RUBCN: variants seen among roughly 807,000 people sequenced by gnomAD.
The protein encoded by RUBCN is rubicon autophagy regulator.
A neutral mutation model predicts 113.2 loss-of-function variants in RUBCN; 74 were observed. The observed-to-expected ratio is 0.65, with a 90% CI of 0.54 to 0.79. RUBCN has a LOEUF of 0.79. RUBCN is among the 30% of genes least tolerant of loss of function. The pLI is 0.00. For missense variants in RUBCN, 1,109 were observed against 1,251.7 expected (o/e 0.89, Z 1.72); for synonymous variants, 480 against 490.0 (o/e 0.98, Z 0.27).
At chr3:197,704,519 A>G in intron 4 of RUBCN, 23 bp downstream of exon 4, 1 of 1,609,828 alleles carries the variant, frequency 6.2e-7, no homozygotes, top group Non-Finnish European at 8.5e-7. Context: ...CACAGATGAC[A>G]GTCCTAAGTG....
At chr3:197,717,914 A>T (rs1252658410) in intron 2 of RUBCN, 63 bp downstream of exon 2, 1 of 1,596,336 alleles carries the variant, frequency 6.3e-7, no homozygotes, top group Non-Finnish European at 8.6e-7. Context: ...CTCCCTGCCA[A>T]TGCGACTGTT....
Position 197,703,626 on chromosome 3 carries a change from A to G in RUBCN, c.492T>C (p.His164=), listed in dbSNP as rs2108912835. The G allele has an allele frequency of 6.2e-7, 1 of 1,613,926 alleles. No individual in the cohort carries two copies. The highest frequency in any genetic ancestry group is 1.7e-5 in the Admixed American group (1 of 59,996). The part of the protein sequence containing the change: ...TDAAFLLSDA[H]VTAMLQCLEA... ...CCAGGCACTGCAGCATGGCCGTGAC[A>G]TGAGCGTCACTTAGCAGGAAGGCAG... The change falls in exon 5 of 20, where the codon CAT becomes CAC. Residue 164 remains histidine (H), a synonymous_variant. Transcript: ENST00000296343.
intron 5 of RUBCN, among the ~76,000 whole-genome samples, chr3:197,702,595 G>A (rs189740389): frequency 5.0e-4 from 76 of 152,220 alleles, no homozygotes; most frequent in African/African-American, 1.2e-3. Context: ...CCCGGGAGGC[G>A]GAGGCTGCAG....
intron 1 of RUBCN, among the ~76,000 whole-genome samples, chr3:197,723,336 C>T (rs1726373292): frequency 6.6e-6 from 1 of 151,974 alleles, no homozygotes; most frequent in Non-Finnish European, 1.5e-5. Flanking sequence ...CAGGCACCTG[C>T]CACCACACCC....
intron 1 of RUBCN, among the ~76,000 whole-genome samples, chr3:197,743,139 G>C (rs921666332): frequency 1.3e-5 from 2 of 152,234 alleles, no homozygotes; most frequent in African/African-American, 4.8e-5. Context: ...TAGCTGAGGC[G>C]GGCAGGCTCC....
At position 197,731,319 on chromosome 3, in the gene RUBCN, A is replaced by G. The variant is rs1454553254; in HGVS notation, c.65+5336T>C. Among the ~76,000 whole-genome samples, 5 of 152,206 alleles carry G rather than the reference A, an allele frequency of 3.3e-5. No homozygotes were observed. In the East Asian group the frequency reaches 9.6e-4, roughly 29 times the overall value. On this transcript the variant is annotated intron_variant, in intron 1 of 19. Coordinates refer to ENST00000296343, the MANE Select transcript of RUBCN (RefSeq NM_014687.4). The stretch of plus-strand genomic sequence containing the variant: ...AGAGCACAGGGTTGGGGGTAACGTC[A>G]CCGATCAACAGGATCCCAAGGCAGA...
At chr3:197,677,579 A>T (rs1432285891) in intron 16 of RUBCN, 38 bp from the exon 17 acceptor site, 4 of 1,594,454 alleles carry the variant, frequency 2.5e-6, no homozygotes, top group Admixed American at 1.7e-5. Flanking sequence ...TGGGAGGGAG[A>T]TGTGAGAAGA....
chr3:197,679,259 A>G (rs1371629334), intron 16 of RUBCN, among the ~76,000 whole-genome samples: 1 of 146,202 alleles, frequency 6.8e-6, no homozygotes. Flanking sequence ...CTACGCTCTG[A>G]CAACTGGCTC....
chr3:197,705,713 T>C (rs1724226411), intron 2 of RUBCN, among the ~76,000 whole-genome samples: 1 of 152,036 alleles, frequency 6.6e-6, no homozygotes, highest in South Asian at 2.1e-4. Context: ...ATACAAGGTA[T>C]ACAGTAAAAA....
intron 7 of RUBCN, chr3:197,700,359 T>G: frequency 1.7e-6 from 1 of 582,054 alleles, no homozygotes; most frequent in South Asian, 2.3e-5. Context: ...CACGCTATCC[T>G]CTGATGTTAC....
chr3:197,690,411 A>T (rs897294407), intron 11 of RUBCN, among the ~76,000 whole-genome samples: 1 of 152,222 alleles, frequency 6.6e-6, no homozygotes, highest in African/African-American at 2.4e-5. Context: ...GCACTCCAGC[A>T]TGGGCAACAA....
At chr3:197,693,849 G>T (rs1270388615) in intron 10 of RUBCN, 33 bp from the exon 11 acceptor site, 3 of 1,457,810 alleles carry the variant, frequency 2.1e-6, no homozygotes, top group Non-Finnish European at 2.9e-6. Flanking sequence ...GGAATAAACA[G>T]GGCAGAAAGA....
intron 1 of RUBCN, among the ~76,000 whole-genome samples, chr3:197,721,467 T>C (rs1170744628): frequency 6.6e-6 from 1 of 152,200 alleles, no homozygotes. Flanking sequence ...CCTTTTTCTC[T>C]CTGATTTTAT....
At chr3:197,721,075 T>C (rs1331892150) in intron 1 of RUBCN, among the ~76,000 whole-genome samples, 2 of 152,296 alleles carry the variant, frequency 1.3e-5, no homozygotes, top group East Asian at 3.9e-4. Flanking sequence ...GCCTGTAGTT[T>C]TTCCTCTTGT....
In RUBCN at chr3:197,681,024, G is replaced by A. The variant is rs1234421097; in HGVS notation, c.2430+105C>T. 68 of 651,262 alleles carry A rather than the reference G, an allele frequency of 1.0e-4. No homozygotes were observed. In the African/African-American group the frequency reaches 1.2e-3, roughly 12 times the overall value. 40.3% of individuals were successfully genotyped at this position (651,262 alleles called of 1,614,324 possible). The stretch of plus-strand genomic sequence containing the variant: ...AGACGAGGGGAGGGGATGGGGGGAG[G>A]GGACAAGAGGAGGGGATGGGGGGAG... On this transcript the variant is annotated intron_variant, in intron 16 of 19. Transcript: ENST00000296343. The surrounding 1 kb of genome is among the most constrained non-coding windows in gnomAD (Gnocchi z 5.5).
chr3:197,729,761 G>A (rs1221136862), intron 1 of RUBCN, among the ~76,000 whole-genome samples: 1 of 151,684 alleles, frequency 6.6e-6, no homozygotes. Context: ...ATTTTGCCAT[G>A]TTGACCAGGC....
chr3:197,721,883 T>TGTATAGTTTCCTAAGTTGTTCTTGTTA (rs1726208024), intron 1 of RUBCN, among the ~76,000 whole-genome samples: 1 of 152,178 alleles, frequency 6.6e-6, no homozygotes, highest in African/African-American at 2.4e-5. Flanking sequence ...TCCACATATT[T>TGTATAGTTTCCTAAGTTGTTCTTGTTA]GTATAGTTTC....
At chr3:197,729,234 CTTTTGTTTT>C (rs1251296957) in intron 1 of RUBCN, among the ~76,000 whole-genome samples, 1 of 147,690 alleles carries the variant, frequency 6.8e-6, no homozygotes, top group African/African-American at 2.5e-5. Context: ...CTGAACATTG[CTTTTGTTTT>C]TTTTGTTTTG....
Position 197,681,923 on chromosome 3 carries a change from A to G in RUBCN, c.2127-24T>C. 6.3e-7 allele frequency: 1 copy of G among 1,599,466 alleles called. No individual in the cohort carries two copies. Among genetic ancestry groups the G allele is most frequent in the Non-Finnish European group, 8.6e-7 (1 of 1,166,888 alleles). ...TCCTGAGGAAGGGTAAGGACAGGGC[A>G]TTGGCACAGAGCAGCTGCGTGAGAC... On this transcript the variant is annotated intron_variant, in intron 14 of 19. Coordinates refer to ENST00000296343, the MANE Select transcript of RUBCN (RefSeq NM_014687.4). The surrounding 1 kb of genome is among the most constrained non-coding windows in gnomAD (Gnocchi z 5.5).
Sources: gnomAD v4.1 joint callset for allele counts (sites outside exome capture counted in the v4.1 genomes callset) on GRCh38, gnomAD v4.1.1 for gene constraint, Gnocchi (gnomAD v3.1) non-coding constraint, MANE v1.5 for transcripts, NCBI Gene and HGNC (gene_info 2026-07-23, HGNC 2026-07-21) for gene names.